The following CDKAL1 variants were observed in gnomAD, a reference collection of about 807,000 sequenced individuals.
CDKAL1 encodes the protein threonylcarbamoyladenosine tRNA methylthiotransferase.
In CDKAL1, 32 loss-of-function variants were observed where a neutral mutation model predicts 68.2. That is an observed-to-expected ratio of 0.47 (90% CI 0.35 to 0.63). The LOEUF (loss-of-function observed/expected upper bound fraction) is 0.63, where lower values mean the gene tolerates loss of function less well. Ranked by LOEUF, CDKAL1 falls within the 30% of genes least tolerant of loss-of-function variation. The pLI is 0.00. For missense variants in CDKAL1, 606 were observed against 696.7 expected, an observed-to-expected ratio of 0.87 and a Z score of 1.47; for synonymous variants, 234 against 244.3, an observed-to-expected ratio of 0.96 and a Z score of 0.39.
chr6:20,633,995 A>G (rs1767787447), intron 4 of CDKAL1, among the ~76,000 whole-genome samples: 3 of 152,248 alleles, frequency 2.0e-5, no homozygotes, highest in Admixed American at 2.0e-4. Context: ...AATATTCTGC[A>G]GATTAATCTA....
At chr6:20,849,997 G>A (rs1758922918) in intron 9 of CDKAL1, among the ~76,000 whole-genome samples, 1 of 152,098 alleles carries the variant, frequency 6.6e-6, no homozygotes, top group Non-Finnish European at 1.5e-5. Context: ...TAATAATTAT[G>A]AAAGTAACCA....
chr6:20,706,426 A>T (rs1771597746), intron 5 of CDKAL1, among the ~76,000 whole-genome samples: 1 of 152,236 alleles, frequency 6.6e-6, no homozygotes, highest in South Asian at 2.1e-4. Flanking sequence ...ATGCTGATCC[A>T]ACTAGCCTAG....
At chr6:21,150,816 C>G (rs1349437191) in intron 13 of CDKAL1, among the ~76,000 whole-genome samples, 4 of 152,150 alleles carry the variant, frequency 2.6e-5, no homozygotes, top group Admixed American at 2.0e-4. Context: ...GTAATGAAAA[C>G]AGTCAAACTG....
intron 5 of CDKAL1, among the ~76,000 whole-genome samples, chr6:20,651,160 A>G (rs1468977243): frequency 1.3e-5 from 2 of 152,038 alleles, no homozygotes; most frequent in Admixed American, 6.5e-5. Context: ...GGCCATTTTC[A>G]TGATATTGAT....
intron 6 of CDKAL1, among the ~76,000 whole-genome samples, chr6:20,743,548 G>A (rs1773545656): frequency 6.6e-6 from 1 of 152,154 alleles, no homozygotes; most frequent in Admixed American, 6.5e-5. Flanking sequence ...TAAGCCTGTA[G>A]GAATGGGGCA....
chr6:21,108,276 C>CT lies in CDKAL1; in HGVS notation c.1237-124dup, dbSNP rs1275529970. ...TTCTCAGCCTCCACAAAGGAAGAAT[C>CT]TCTTAAAAAAAAAAAAAAAAAACTT... On this transcript the variant is annotated intron_variant, in intron 12 of 15. Transcript: ENST00000274695. 9.3e-5 allele frequency: 53 copies of CT among 569,556 alleles called. No individual in the cohort carries two copies. In the Admixed American group the frequency reaches 1.7e-3, roughly 18 times the overall value. The allele number at this position is 569,556 out of a possible 1,614,324, so 35.3% of individuals were successfully genotyped here.
chr6:20,804,356 T>A (rs1050897457), intron 8 of CDKAL1, among the ~76,000 whole-genome samples: 3 of 152,178 alleles, frequency 2.0e-5, no homozygotes, highest in Non-Finnish European at 4.4e-5. Flanking sequence ...CAAGAATAAC[T>A]GGGACTAAGA....
intron 12 of CDKAL1, among the ~76,000 whole-genome samples, chr6:21,065,990 T>TTACC (rs1424861307): frequency 1.3e-5 from 2 of 151,406 alleles, no homozygotes; most frequent in Non-Finnish European, 2.9e-5. Flanking sequence ...TTGCCTTTAA[T>TTACC]TACCGCAATT....
At chr6:20,727,366 AG>A (rs1191353394) in intron 5 of CDKAL1, among the ~76,000 whole-genome samples, 1 of 152,220 alleles carries the variant, frequency 6.6e-6, no homozygotes, top group Non-Finnish European at 1.5e-5. Context: ...ATGGATATAC[AG>A]GGTTTAACAA....
intron 5 of CDKAL1, among the ~76,000 whole-genome samples, chr6:20,650,445 A>T (rs1471385320): frequency 1.3e-5 from 2 of 152,064 alleles, no homozygotes; most frequent in East Asian, 1.9e-4. Context: ...TTCCTTATAG[A>T]TTCTGGATAT....
intron 8 of CDKAL1, among the ~76,000 whole-genome samples, chr6:20,810,620 A>C (rs1776768110): frequency 9.1e-6 from 1 of 110,380 alleles, no homozygotes. Flanking sequence ...TTATGTGTGT[A>C]TGTATGGGTG....
At chr6:21,122,625 TTTA>T (rs754521198) in intron 13 of CDKAL1, among the ~76,000 whole-genome samples, 19 of 37,500 alleles carry the variant, frequency 5.1e-4, no homozygotes, top group East Asian at 3.4e-3. Context: ...CTGTATTTTA[TTTA>T]TTTATTTATT....
chr6:20,702,569 C>T (rs1050465655), intron 5 of CDKAL1, among the ~76,000 whole-genome samples: 1 of 152,064 alleles, frequency 6.6e-6, no homozygotes, highest in African/African-American at 2.4e-5. Context: ...CAAAACTTGT[C>T]GTTCCGCCAG....
intron 4 of CDKAL1, among the ~76,000 whole-genome samples, chr6:20,608,756 A>G (rs1481639559): frequency 1.3e-5 from 2 of 152,210 alleles, no homozygotes; most frequent in African/African-American, 2.4e-5. Flanking sequence ...CTTGTTCGGC[A>G]TCTTTCTCTA....
At chr6:20,535,288 C>A (rs534931917) in intron 1 of CDKAL1, 63 bp from the exon 2 acceptor site, 19 of 152,394 alleles carry the variant, frequency 1.2e-4, no homozygotes, top group African/African-American at 4.6e-4. Flanking sequence ...AGTAAAGAAT[C>A]CTTACAGTGG....
At chr6:21,229,077 A>C (rs971951456) in intron 15 of CDKAL1, among the ~76,000 whole-genome samples, 11 of 152,172 alleles carry the variant, frequency 7.2e-5, no homozygotes, top group African/African-American at 2.7e-4. Flanking sequence ...TGAGGAGTGC[A>C]GCAGTAAATA....
At chr6:20,691,325 T>C (rs1770861387) in intron 5 of CDKAL1, among the ~76,000 whole-genome samples, 3 of 151,760 alleles carry the variant, frequency 2.0e-5, no homozygotes, top group Admixed American at 2.0e-4. Context: ...AGAGCAGGTG[T>C]GTGTACAGAT....
chr6:20,537,086 C>T (rs887265356), intron 2 of CDKAL1, among the ~76,000 whole-genome samples: 5 of 152,074 alleles, frequency 3.3e-5, no homozygotes, highest in Non-Finnish European at 7.4e-5. Context: ...GTCGCCCAGG[C>T]TGGAGTGCAG....
chr6:20,608,813 A>G (rs551195111), intron 4 of CDKAL1, among the ~76,000 whole-genome samples: 1 of 152,330 alleles, frequency 6.6e-6, no homozygotes, highest in East Asian at 1.9e-4. Context: ...CACATAATTA[A>G]GTTATTAAAA....
Sources: allele counts gnomAD v4.1 joint callset (sites outside exome capture counted in the v4.1 genomes callset), GRCh38; gene constraint gnomAD v4.1.1; transcripts MANE v1.5; gene names NCBI Gene and HGNC (gene_info 2026-07-23, HGNC 2026-07-21).